The following PPFIA2 variants were observed in gnomAD, a reference collection of about 807,000 sequenced individuals.
The protein encoded by PPFIA2 is liprin-alpha-2.
Under a neutral mutation model 175.5 loss-of-function variants are expected in PPFIA2, and 46 were observed. The observed-to-expected ratio is 0.26, with a 90% CI of 0.21 to 0.34. The LOEUF (loss-of-function observed/expected upper bound fraction) is 0.34. PPFIA2 is among the 10% of genes least tolerant of loss of function. The pLI is 1.00. For synonymous variants in PPFIA2, 568 were observed against 511.4 expected (o/e 1.11, Z -1.49); for missense variants, 1,179 against 1,506.1 (o/e 0.78, Z 3.60).
At chr12:81,306,436 A>T (rs1172349958) in intron 22 of PPFIA2, among the ~76,000 whole-genome samples, 2 of 152,148 alleles carry the variant, frequency 1.3e-5, no homozygotes, top group Non-Finnish European at 2.9e-5. Flanking sequence ...TTTGTAAGAA[A>T]ATATGTGTAA....
intron 4 of PPFIA2, among the ~76,000 whole-genome samples, chr12:81,509,193 T>G (rs946054099): frequency 1.8e-4 from 27 of 152,148 alleles, no homozygotes; most frequent in Non-Finnish European, 2.9e-4. Flanking sequence ...TTATTATCAG[T>G]GAGATGTTTG....
intron 15 of PPFIA2, among the ~76,000 whole-genome samples, chr12:81,360,026 T>C (rs922516365): frequency 3.9e-5 from 6 of 151,906 alleles, no homozygotes; most frequent in African/African-American, 1.4e-4. Context: ...TTTTGTTTGT[T>C]TGTTTGTGTT....
intron 4 of PPFIA2, among the ~76,000 whole-genome samples, chr12:81,476,548 T>C (rs2057498348): frequency 6.6e-6 from 1 of 152,192 alleles, no homozygotes; most frequent in Non-Finnish European, 1.5e-5. Context: ...ATCACATAAA[T>C]ATGAACTGTA....
chr12:81,625,615 A>G (rs540865532), intron 4 of PPFIA2, among the ~76,000 whole-genome samples: 80 of 151,926 alleles, frequency 5.3e-4, no homozygotes, highest in Non-Finnish European at 1.0e-3. Flanking sequence ...AAGGCTGTTA[A>G]TGAATTTTAA....
chr12:81,271,351 A>G (rs1593490657), intron 28 of PPFIA2, among the ~76,000 whole-genome samples: 1 of 152,018 alleles, frequency 6.6e-6, no homozygotes, highest in Non-Finnish European at 1.5e-5. Flanking sequence ...GCTTACTGCA[A>G]CCTCTGCCTC....
At chr12:81,412,463 T>G (rs2044161138) in intron 7 of PPFIA2, among the ~76,000 whole-genome samples, 1 of 151,954 alleles carries the variant, frequency 6.6e-6, no homozygotes, top group Admixed American at 6.6e-5. Flanking sequence ...TTCATAAACT[T>G]TGCATCTACA....
chr12:81,287,730 A>G (rs113465483), intron 24 of PPFIA2, among the ~76,000 whole-genome samples: 4 of 152,008 alleles, frequency 2.6e-5, no homozygotes, highest in African/African-American at 9.6e-5. Context: ...ATCTAAGTAC[A>G]TTGTGACGGA....
intron 21 of PPFIA2, among the ~76,000 whole-genome samples, chr12:81,329,941 G>A (rs1463323855): frequency 1.3e-5 from 2 of 152,178 alleles, no homozygotes; most frequent in Non-Finnish European, 2.9e-5. Context: ...ATCAGAGGGA[G>A]TCTTAAAATT....
chr12:81,357,066 G>T (rs2060969384), intron 16 of PPFIA2, among the ~76,000 whole-genome samples: 1 of 152,028 alleles, frequency 6.6e-6, no homozygotes, highest in South Asian at 2.1e-4. Context: ...TTATTTTTGT[G>T]ATCATATAAA....
chr12:81,483,092 G>A (rs1393837886), intron 4 of PPFIA2, among the ~76,000 whole-genome samples: 3 of 152,138 alleles, frequency 2.0e-5, no homozygotes, highest in African/African-American at 7.2e-5. Context: ...CCTACATTAA[G>A]CAATTCATCA....
chr12:81,604,312 A>G (rs1302145602), intron 4 of PPFIA2, among the ~76,000 whole-genome samples: 1 of 151,738 alleles, frequency 6.6e-6, no homozygotes, highest in African/African-American at 2.4e-5. Context: ...TAACTGTGCT[A>G]GGTGTGTATT....
intron 22 of PPFIA2, among the ~76,000 whole-genome samples, chr12:81,314,776 A>G (rs2139302641): frequency 6.6e-6 from 1 of 152,044 alleles, no homozygotes; most frequent in Non-Finnish European, 1.5e-5. Flanking sequence ...GTAAAGTTCA[A>G]GTTGGTGATT....
In PPFIA2 at chr12:81,429,488, C is replaced by T. The variant is rs74877622; in HGVS notation, c.645+10484G>A. 6.1e-3 allele frequency among the ~76,000 whole-genome samples: 920 copies of T among 152,052 alleles called. 10 individuals carry two copies. The highest frequency in any genetic ancestry group is 0.021 in the African/African-American group (854 of 41,540). On this transcript the variant is annotated intron_variant, in intron 7 of 32. Transcript: ENST00000549396. ...TCAGATGAGTATTTCTATTACTTCC[C>T]TCTAGGCAAATTCCTTAATAGAGTA...
chr12:81,539,597 T>G (rs907806393), intron 4 of PPFIA2, among the ~76,000 whole-genome samples: 1 of 151,938 alleles, frequency 6.6e-6, no homozygotes, highest in Admixed American at 6.6e-5. Flanking sequence ...TTTTAGTAAC[T>G]TCCAGGTGAT....
rs989812221 is a variant in PPFIA2 at position 81,747,175 on chromosome 12, T to C, written c.249+6798A>G. On this transcript the variant is annotated intron_variant, in intron 3 of 32. Coordinates refer to ENST00000549396, the MANE Select transcript of PPFIA2 (RefSeq NM_003625.5). ...AAGAGAGAAATACACATTAAGAAAA[T>C]AGGATGGCTATAACAGGAGGTAAAA... Among the ~76,000 whole-genome samples, 21 of 143,298 alleles carry C rather than the reference T, an allele frequency of 1.5e-4. 2 individuals are homozygous for C. The highest frequency in any genetic ancestry group is 2.5e-4 in the Non-Finnish European group (16 of 63,868). 94.0% of individuals were successfully genotyped at this position (143,298 alleles called of 152,430 possible). A position where few individuals can be genotyped will look rare whatever the true frequency, so the allele number is the denominator to read the frequency against.
chr12:81,394,562 C>T (rs973850519), intron 8 of PPFIA2, among the ~76,000 whole-genome samples: 23 of 151,690 alleles, frequency 1.5e-4, no homozygotes, highest in African/African-American at 2.4e-5. Context: ...GAACAAAAAA[C>T]CAAACACCGC....
chr12:81,739,620 A>G lies in PPFIA2; in HGVS notation c.249+14353T>C, dbSNP rs530600472. 4.6e-5 allele frequency among the ~76,000 whole-genome samples: 7 copies of G among 152,182 alleles called. No individual in the cohort carries two copies. In the East Asian group the frequency reaches 7.7e-4, roughly 17 times the overall value. On this transcript the variant is annotated intron_variant, in intron 3 of 32. Transcript: ENST00000549396. ...AATTAATCTATTATCGATCAGCAAC[A>G]TATCAATGCATCTTATAAACTCTTA...
intron 4 of PPFIA2, among the ~76,000 whole-genome samples, chr12:81,664,792 G>A (rs962966654): frequency 1.3e-5 from 2 of 152,098 alleles, no homozygotes; most frequent in African/African-American, 2.4e-5. Flanking sequence ...CAACCCGAAT[G>A]TCCAACAATG....
At chr12:81,590,388 A>G (rs1462656581) in intron 4 of PPFIA2, among the ~76,000 whole-genome samples, 3 of 152,200 alleles carry the variant, frequency 2.0e-5, no homozygotes, top group Non-Finnish European at 4.4e-5. Context: ...ATGAAAAGCC[A>G]GAATTACCTC....
Sources: gnomAD v4.1 joint callset for allele counts (sites outside exome capture counted in the v4.1 genomes callset) on GRCh38, gnomAD v4.1.1 for gene constraint, MANE v1.5 for transcripts, NCBI Gene and HGNC (gene_info 2026-07-23, HGNC 2026-07-21) for gene names.